ALK: variants seen among roughly 807,000 people sequenced by gnomAD.
ALK encodes ALK tyrosine kinase receptor.
Under a neutral mutation model 163.1 loss-of-function variants are expected in ALK, and 74 were observed. That is an observed-to-expected ratio of 0.45 (90% CI 0.38 to 0.55). ALK has a LOEUF of 0.55. Among genes scored for constraint, ALK ranks in the 20% least tolerant of loss-of-function variants. The probability of loss-of-function intolerance (pLI) is 0.00; values close to 1 mark genes in which losing one functional copy is unlikely to be tolerated. For missense variants in ALK, 2,063 were observed against 2,105.3 expected, an observed-to-expected ratio of 0.98 and a Z score of 0.39; for synonymous variants, 960 against 843.2, an observed-to-expected ratio of 1.14 and a Z score of -2.40.
At chr2:29,318,139 T>A (rs1005454800) in intron 8 of ALK, among the ~76,000 whole-genome samples, 165 bp downstream of exon 8, 7 of 152,220 alleles carry the variant, frequency 4.6e-5, no homozygotes, top group Admixed American at 2.0e-4. Context: ...GGCTTTACCA[T>A]GTTGATGGAC....
intron 3 of ALK, among the ~76,000 whole-genome samples, chr2:29,625,836 C>A (rs898719017): frequency 5.9e-5 from 9 of 152,222 alleles, no homozygotes; most frequent in African/African-American, 1.9e-4. Flanking sequence ...CCTGATGGAG[C>A]AGAGGCACCT....
At chr2:29,199,087 G>A (rs1197674263) in intron 26 of ALK, among the ~76,000 whole-genome samples, 3 of 151,720 alleles carry the variant, frequency 2.0e-5, no homozygotes, top group Non-Finnish European at 2.9e-5. Context: ...CCAAGTAGCT[G>A]GGATTACAGG....
intron 3 of ALK, among the ~76,000 whole-genome samples, chr2:29,684,378 A>G (rs1678175705): frequency 6.6e-6 from 1 of 152,182 alleles, no homozygotes; most frequent in African/African-American, 2.4e-5. Flanking sequence ...GCCAACGCCA[A>G]CCCAGCACTC....
intron 1 of ALK, among the ~76,000 whole-genome samples, chr2:29,838,337 G>A (rs958975472): frequency 2.6e-5 from 4 of 152,040 alleles, no homozygotes; most frequent in African/African-American, 9.7e-5. Context: ...CCCCAAATTT[G>A]ATGAAAAATA....
intron 3 of ALK, among the ~76,000 whole-genome samples, chr2:29,682,448 G>C (rs984503282): frequency 6.6e-6 from 1 of 152,092 alleles, no homozygotes; most frequent in African/African-American, 2.4e-5. Context: ...TCTGTGTTTA[G>C]AGCTTGGACA....
At position 29,214,806 on chromosome 2, in the gene ALK, G is replaced by A. The variant is rs117580822; in HGVS notation, c.3646-725C>T. ...TAATTCCTAAATCCCTGACGTGTGC[G>A]GCAGCTCAGCTTCATGCAGTGTCCG... On this transcript the variant is annotated intron_variant, in intron 23 of 28. Coordinates refer to ENST00000389048, the MANE Select transcript of ALK (RefSeq NM_004304.5). Among the ~76,000 whole-genome samples the A allele has an allele frequency of 4.2e-4, 64 of 152,240 alleles. 1 individual carries two copies. In the East Asian group the frequency reaches 0.011, roughly 27 times the overall value.
intron 3 of ALK, among the ~76,000 whole-genome samples, chr2:29,646,576 A>C (rs1045298670): frequency 1.3e-5 from 2 of 151,956 alleles, no homozygotes; most frequent in African/African-American, 4.8e-5. Flanking sequence ...CTTTGACCTC[A>C]TCTCCTGCCA....
intron 3 of ALK, among the ~76,000 whole-genome samples, chr2:29,602,976 TTCTG>T (rs1675420369): frequency 6.6e-6 from 1 of 152,202 alleles, no homozygotes; most frequent in East Asian, 1.9e-4. Context: ...TATACATTGA[TTCTG>T]TCTGGAAAGG....
chr2:29,719,655 G>T (rs1284637226), intron 1 of ALK, among the ~76,000 whole-genome samples: 2 of 152,168 alleles, frequency 1.3e-5, no homozygotes, highest in African/African-American at 4.8e-5. Flanking sequence ...GGAAATTGAG[G>T]CATAAAGACG....
intron 12 of ALK, among the ~76,000 whole-genome samples, chr2:29,245,231 C>T (rs13386264): frequency 7.6e-5 from 11 of 145,044 alleles, no homozygotes; most frequent in African/African-American, 2.8e-4. Flanking sequence ...AGTAGGGGCT[C>T]CATGGCTCAG....
intron 1 of ALK, among the ~76,000 whole-genome samples, chr2:29,800,921 T>C (rs1664451305): frequency 6.6e-6 from 1 of 152,230 alleles, no homozygotes; most frequent in Non-Finnish European, 1.5e-5. Context: ...AGCGTGCCCA[T>C]GCTCCTCTCT....
chr2:29,302,820 T>C (rs1260773161), intron 8 of ALK, among the ~76,000 whole-genome samples: 2 of 152,144 alleles, frequency 1.3e-5, no homozygotes, highest in East Asian at 3.9e-4. Context: ...TGGCTAGCCA[T>C]AGGCAGAAGA....
At chr2:29,466,303 T>C (rs1463044886) in intron 4 of ALK, among the ~76,000 whole-genome samples, 1 of 152,074 alleles carries the variant, frequency 6.6e-6, no homozygotes, top group Non-Finnish European at 1.5e-5. Context: ...ATTGTTTCTA[T>C]GTCCAGAGTC....
intron 3 of ALK, among the ~76,000 whole-genome samples, chr2:29,540,101 A>G (rs1216967338): frequency 1.3e-5 from 2 of 152,200 alleles, no homozygotes; most frequent in African/African-American, 2.4e-5. Context: ...CTGAAATGGT[A>G]TATTTTCAAA....
At chr2:29,339,848 C>G (rs1023036328) in intron 5 of ALK, among the ~76,000 whole-genome samples, 3 of 152,174 alleles carry the variant, frequency 2.0e-5, no homozygotes, top group Non-Finnish European at 4.4e-5. Context: ...TTTCCAACTT[C>G]CAAATCCTAG....
intron 3 of ALK, among the ~76,000 whole-genome samples, chr2:29,649,811 T>C (rs1304431451): frequency 1.3e-5 from 2 of 152,102 alleles, no homozygotes; most frequent in Non-Finnish European, 2.9e-5. Context: ...TTCAGTTGAC[T>C]CACCTCTGCC....
At chr2:29,412,878 G>A (rs10179729) in intron 4 of ALK, among the ~76,000 whole-genome samples, 23,719 of 152,146 alleles carry the variant, frequency 0.16, 2,271 homozygotes, top group African/African-American at 0.27. Context: ...AAGTTGTGAG[G>A]AGTTTCTCCA....
At chr2:29,524,034 C>T (rs1286417523) in intron 4 of ALK, among the ~76,000 whole-genome samples, 1 of 152,006 alleles carries the variant, frequency 6.6e-6, no homozygotes, top group Non-Finnish European at 1.5e-5. Flanking sequence ...CACATTTATT[C>T]CTGGGTGTGG....
At chr2:29,439,748 G>C (rs538974599) in intron 4 of ALK, among the ~76,000 whole-genome samples, 1 of 152,010 alleles carries the variant, frequency 6.6e-6, no homozygotes, top group South Asian at 2.1e-4. Flanking sequence ...CAGGCCAGAA[G>C]CAGAAGTGGG....
Sources: allele counts gnomAD v4.1 joint callset (sites outside exome capture counted in the v4.1 genomes callset), GRCh38; gene constraint gnomAD v4.1.1; transcripts MANE v1.5; gene names NCBI Gene and HGNC (gene_info 2026-07-23, HGNC 2026-07-21).